TMEM114: variants seen among roughly 807,000 people sequenced by gnomAD.
TMEM114 encodes transmembrane protein 114, also known as claudin-26.
In TMEM114, 6 loss-of-function variants were observed where a neutral mutation model predicts 6.2. The ratio of observed to expected loss-of-function variants is 0.97; its 90% CI spans 0.53 to 1.91. TMEM114 has a LOEUF of 1.91. Ranked by LOEUF, TMEM114 falls within the 40% of genes most tolerant of loss-of-function variation. The probability of loss-of-function intolerance (pLI) is 0.01; values close to 1 mark genes in which losing one functional copy is unlikely to be tolerated. For synonymous variants in TMEM114, 104 were observed against 73.0 expected (o/e 1.42, Z -2.16); for missense variants, 218 against 158.3 (o/e 1.38, Z -2.02).
chr16:8,568,781 G>A (rs1901627597), downstream of TMEM114, among the ~76,000 whole-genome samples: 1 of 152,314 alleles, frequency 6.6e-6, no homozygotes, highest in African/African-American at 2.4e-5. Flanking sequence ...AGGCTGGAGA[G>A]CTCTTAAAAA....
intron 2 of TMEM114, among the ~76,000 whole-genome samples, chr16:8,549,238 AC>A: frequency 6.8e-6 from 1 of 148,142 alleles, no homozygotes; most frequent in South Asian, 2.2e-4. Context: ...GGTGGCTCAC[AC>A]CTATAATCCT....
At chr16:8,559,843 G>T (rs1389699017) in intron 2 of TMEM114, among the ~76,000 whole-genome samples, 1 of 152,162 alleles carries the variant, frequency 6.6e-6, no homozygotes, top group African/African-American at 2.4e-5. Context: ...ACCAGGACAA[G>T]GACTGAGATC....
chr16:8,568,852 G>T (rs557147072), downstream of TMEM114, among the ~76,000 whole-genome samples: 105 of 152,364 alleles, frequency 6.9e-4, 2 homozygotes, highest in African/African-American at 2.4e-3. Context: ...ACAGCAGCAG[G>T]ATTTTTGGAA....
At chr16:8,559,942 C>T (rs1901144366) in intron 2 of TMEM114, among the ~76,000 whole-genome samples, 1 of 152,152 alleles carries the variant, frequency 6.6e-6, no homozygotes, top group South Asian at 2.1e-4. Flanking sequence ...TAGCTGGGCA[C>T]TCAGAAGACC....
At chr16:8,572,762 C>T (rs1026296537) in intron 2 of TMEM114, among the ~76,000 whole-genome samples, 2 of 152,166 alleles carry the variant, frequency 1.3e-5, no homozygotes, top group African/African-American at 2.4e-5. Context: ...AAGAGAGAAG[C>T]CGCAATGCAG....
At chr16:8,562,904 GT>G (rs1901316153) in intron 2 of TMEM114, among the ~76,000 whole-genome samples, 1 of 39,566 alleles carries the variant, frequency 2.5e-5, no homozygotes, top group African/African-American at 7.5e-5. Context: ...GAGTGAATGA[GT>G]GAGTGAATGA....
chr16:8,588,104 T>G (rs1171316514), intron 2 of TMEM114, among the ~76,000 whole-genome samples: 1 of 151,914 alleles, frequency 6.6e-6, no homozygotes, highest in Non-Finnish European at 1.5e-5. Flanking sequence ...TGGCTAACAT[T>G]GTGAAACTCC....
intron 2 of TMEM114, among the ~76,000 whole-genome samples, chr16:8,557,031 T>A (rs1014017523): frequency 5.3e-5 from 8 of 152,032 alleles, no homozygotes; most frequent in Admixed American, 3.3e-4. Flanking sequence ...AAATAATGAA[T>A]CGGTGAGGCT....
At chr16:8,571,326 T>C (rs1236129409) in intron 3 of TMEM114, among the ~76,000 whole-genome samples, 2 of 152,186 alleles carry the variant, frequency 1.3e-5, no homozygotes, top group Non-Finnish European at 2.9e-5. Context: ...AAAAATTGTA[T>C]GTATTTACGG....
In TMEM114 at chr16:8,569,840, G is replaced by C. The variant is rs1228007846; in HGVS notation, c.605C>G (p.Thr202Ser). ...GGCTGCTGCCAGGAAGGCTGCCCCG[G>C]TGAGCAGCTCGGCGATGAAGCTGAT... ...GWISFIAELLTGAAFLAAARE... is the reference protein window; with the variant it reads ...GWISFIAELLSGAAFLAAARE... Residue 202 changes from threonine to serine, a missense_variant, in exon 4 of 4, where the codon ACC becomes AGC. Physicochemically the swap from Thr to Ser is moderately conservative, Grantham distance 58 (BLOSUM62 1). Coordinates refer to ENST00000620492, the MANE Select transcript of TMEM114 (RefSeq NM_001146336.2). 1 of 1,551,038 alleles carries C rather than the reference G, an allele frequency of 6.4e-7. No homozygotes were observed.
At chr16:8,576,207 A>T (rs1901922466) in intron 2 of TMEM114, among the ~76,000 whole-genome samples, 1 of 152,206 alleles carries the variant, frequency 6.6e-6, no homozygotes, top group African/African-American at 2.4e-5. Flanking sequence ...CTGCTTTCTC[A>T]ATCACAGCCA....
chr16:8,579,221 T>G (rs1459981380), intron 2 of TMEM114, among the ~76,000 whole-genome samples: 3 of 152,140 alleles, frequency 2.0e-5, no homozygotes, highest in Non-Finnish European at 2.9e-5. Flanking sequence ...ATGATGCTTG[T>G]GAGGTCAGGA....
rs986249861 is a variant in TMEM114 at position 8,564,318 on chromosome 16, T to C, written n.212+24895A>G. Among the ~76,000 whole-genome samples, 16 of 149,160 alleles carry C rather than the reference T, an allele frequency of 1.1e-4. 1 individual carries two copies. Among genetic ancestry groups the C allele is most frequent in the African/African-American group, 4.1e-4 (16 of 39,200 alleles). On this transcript the variant is annotated intron_variant and non_coding_transcript_variant, in intron 2 of 2. Coordinates refer to the TMEM114 transcript ENST00000623677. Reference sequence around the variant, plus strand: ...GTGAATGAGTGATGAAATAAGTGAATGAGTGAGTTAGAGAATGAGTCAGTG... The same window carrying C: ...GTGAATGAGTGATGAAATAAGTGAACGAGTGAGTTAGAGAATGAGTCAGTG...
chr16:8,545,329 A>T (rs1900630938), intron 2 of TMEM114, among the ~76,000 whole-genome samples: 1 of 152,108 alleles, frequency 6.6e-6, no homozygotes, highest in South Asian at 2.1e-4. Flanking sequence ...CCAGCTACTC[A>T]GGAGGCTGAG....
chr16:8,536,062 C>G (rs967942107), downstream of TMEM114, among the ~76,000 whole-genome samples: 8 of 152,004 alleles, frequency 5.3e-5, no homozygotes, highest in Non-Finnish European at 8.8e-5. Context: ...CCCGTCTCTA[C>G]TAAAAATACA....
chr16:8,569,900 T>C lies in TMEM114; in HGVS notation c.545A>G (p.Asp182Gly). 6.4e-7 allele frequency: 1 copy of C among 1,551,210 alleles called. No individual in the cohort carries two copies. The change falls in exon 4 of 4, where the codon GAC (aspartate) becomes GGC (glycine). Residue 182 changes from aspartate (D) to glycine (G), a missense_variant. Transcript: ENST00000620492. Reference sequence around the variant, plus strand: ...GGCCAGGGACCAGCCGAAGCTGATGTCCACCTGGTCCAGGAGGGCCTTCTC... The same window carrying C: ...GGCCAGGGACCAGCCGAAGCTGATGCCCACCTGGTCCAGGAGGGCCTTCTC... ...LEEKALLDQV[D>G]ISFGWSLALG...
rs148622240 is a variant in TMEM114 at position 8,559,398 on chromosome 16, G to T, written n.213-21572C>A. ...TTCCATCGCACAGATCAGGACCAAC[G>T]TCCCAGCTGTGGAGAAAAAAACAAT... On this transcript the variant is annotated intron_variant and non_coding_transcript_variant, in intron 2 of 2. Transcript: ENST00000623677. 4.2e-3 allele frequency among the ~76,000 whole-genome samples: 583 copies of T among 138,482 alleles called. 2 individuals carry two copies. The highest frequency in any genetic ancestry group is 0.017 in the African/African-American group (551 of 33,216). 90.8% of individuals were successfully genotyped at this position (138,482 alleles called of 152,430 possible). A position where few individuals can be genotyped will look rare whatever the true frequency, so the allele number is the denominator to read the frequency against.
At chr16:8,553,997 G>C (rs889765676) in intron 2 of TMEM114, among the ~76,000 whole-genome samples, 3 of 151,808 alleles carry the variant, frequency 2.0e-5, no homozygotes, top group African/African-American at 7.3e-5. Flanking sequence ...TCATGTGTCA[G>C]CCGCCTGAAT....
chr16:8,556,249 C>CAGTT (rs1901006204), intron 2 of TMEM114, among the ~76,000 whole-genome samples: 1 of 152,182 alleles, frequency 6.6e-6, no homozygotes, highest in Non-Finnish European at 1.5e-5. Flanking sequence ...TTTGTCCCTG[C>CAGTT]AGTTATACCA....
Sources: gnomAD v4.1 joint callset for allele counts (sites outside exome capture counted in the v4.1 genomes callset) on GRCh38, gnomAD v4.1.1 for gene constraint, MANE v1.5 for transcripts, NCBI Gene and HGNC (gene_info 2026-07-23, HGNC 2026-07-21) for gene names.